NBPF15: variants seen among roughly 807,000 people sequenced by gnomAD.
NBPF15 encodes the protein NBPF family member NBPF15.
In NBPF15, 74 loss-of-function variants were observed where a neutral mutation model predicts 62.2. The ratio of observed to expected loss-of-function variants is 1.19; its 90% confidence interval spans 0.99 to 1.44. NBPF15 has a LOEUF of 1.44. Among genes scored for constraint, NBPF15 ranks in the 40% most tolerant of loss-of-function variants. NBPF15 has a pLI of 0.00. For synonymous variants in NBPF15, 244 were observed against 209.7 expected (o/e 1.16, Z -1.41); for missense variants, 790 against 550.0 (o/e 1.44, Z -4.36).
At position 144,423,910 on chromosome 1, in the gene NBPF15, C is replaced by T. The variant is rs1667601434; in HGVS notation, c.1729G>A (p.Gly577Arg). The T allele has an allele frequency of 3.8e-6, 3 of 793,678 alleles. No homozygotes were observed. The East Asian group carries it at 7.3e-5, about 19-fold the overall frequency. The allele number at this position is 793,678 out of a possible 1,614,324, so 49.2% of individuals were successfully genotyped here. A position where few individuals can be genotyped will look rare whatever the true frequency, so the allele number is the denominator to read the frequency against. ...TTGTCATCTTCCCCTTCTTTTCTTC[C>T]CCTTCTTCTTTTCTTCTTTGATCTT... The part of the protein sequence containing the change: ...GRRSKKKRRR[G>R]RKEGEDDNPP... The change falls in exon 21 of 22, where the codon GGA (glycine) becomes AGA (arginine). Residue 577 changes from glycine (G) to arginine (R), a missense_variant. Gly to Arg is a moderately radical substitution (Grantham distance 125, BLOSUM62 -2). Transcript: ENST00000581897.
At chr1:144,427,736 A>T in intron 16 of NBPF15, 82 bp downstream of exon 16, 1 of 603,306 alleles carries the variant, frequency 1.7e-6, no homozygotes. Context: ...CTCTCAGCTC[A>T]GTAAGGGCCA....
At chr1:144,452,515 A>T (rs1366898059) in intron 4 of NBPF15, among the ~76,000 whole-genome samples, 1 of 151,558 alleles carries the variant, frequency 6.6e-6, no homozygotes, top group East Asian at 1.9e-4. Context: ...ACCAGGGATT[A>T]GGAAATGACT....
intron 14 of NBPF15, among the ~76,000 whole-genome samples, chr1:144,429,437 C>A (rs1425692724): frequency 6.6e-6 from 1 of 151,364 alleles, no homozygotes; most frequent in Non-Finnish European, 1.5e-5. Flanking sequence ...GTTTGCCACA[C>A]CTGCCTTGAG....
At chr1:144,453,638 C>CAAAAAAAAAAAAAAAAA (rs200525708) in intron 4 of NBPF15, among the ~76,000 whole-genome samples, 1 of 36,400 alleles carries the variant, frequency 2.7e-5, no homozygotes, top group Non-Finnish European at 7.0e-5. Flanking sequence ...CAACACAAAG[C>CAAAAAAAAAAAAAAAAA]AAAAAAAAAA....
At chr1:144,455,910 G>A (rs1394163059) in intron 4 of NBPF15, among the ~76,000 whole-genome samples, 8 of 151,510 alleles carry the variant, frequency 5.3e-5, no homozygotes, top group African/African-American at 9.7e-5. Flanking sequence ...CCACCACAAG[G>A]TCCTGGGGAA....
At chr1:144,423,556 T>C (rs1667324052) in intron 21 of NBPF15, among the ~76,000 whole-genome samples, 1 of 151,902 alleles carries the variant, frequency 6.6e-6, no homozygotes, top group South Asian at 2.1e-4. Context: ...GTTAGTGCCC[T>C]CATGACACAC....
chr1:144,428,114 G>T, intron 15 of NBPF15, 124 bp from the exon 16 acceptor site: 1 of 678,364 alleles, frequency 1.5e-6, no homozygotes, highest in Non-Finnish European at 2.7e-6. Flanking sequence ...CATTAATGAG[G>T]TAACAAATTA....
chr1:144,455,942 A>T (rs1647287797), intron 4 of NBPF15, among the ~76,000 whole-genome samples: 2 of 152,072 alleles, frequency 1.3e-5, no homozygotes, highest in Non-Finnish European at 1.5e-5. Flanking sequence ...ACTGTGGCCC[A>T]TAAATTCTAA....
In NBPF15 at chr1:144,461,587, C is replaced by T. The variant is rs75385324; in HGVS notation, c.-1144G>A. 7.2e-5 allele frequency: 11 copies of T among 152,948 alleles called. No individual in the cohort carries two copies. In the East Asian group the frequency reaches 7.7e-4, roughly 11 times the overall value. 9.5% of individuals were successfully genotyped at this position (152,948 alleles called of 1,614,324 possible). A position where few individuals can be genotyped will look rare whatever the true frequency, so the allele number is the denominator to read the frequency against. On this transcript the variant is annotated 5_prime_UTR_variant, in exon 1 of 22. Transcript: ENST00000581897. The stretch of plus-strand genomic sequence containing the variant: ...CGACCCTCACCTACCCCTCCCGATA[C>T]CGCCGCTGTCTCAACCGCCGCCCAG...
At chr1:144,427,173 T>A (rs1165418410) in intron 16 of NBPF15, 75 bp from the exon 17 acceptor site, 4 of 581,640 alleles carry the variant, frequency 6.9e-6, no homozygotes, top group Middle Eastern at 4.7e-4. Flanking sequence ...TGTCTAATCC[T>A]CACACAGGGA....
At chr1:144,436,277 C>A (rs1451857291) in intron 10 of NBPF15, among the ~76,000 whole-genome samples, 7 of 151,990 alleles carry the variant, frequency 4.6e-5, no homozygotes, top group Admixed American at 4.6e-4. Flanking sequence ...AGATTTCAAG[C>A]CTCCAAGTGG....
At chr1:144,439,565 C>T (rs61812387) in intron 8 of NBPF15, among the ~76,000 whole-genome samples, 1 of 152,220 alleles carries the variant, frequency 6.6e-6, no homozygotes, top group East Asian at 1.9e-4. Context: ...TTGGAGAAAA[C>T]AGGTCATTCT....
intron 6 of NBPF15, among the ~76,000 whole-genome samples, chr1:144,447,951 T>C (rs61812374): frequency 3.7e-4 from 57 of 152,054 alleles, no homozygotes; most frequent in South Asian, 2.1e-4. Flanking sequence ...ACCGCACGGC[T>C]CCAGAGTCAG....
intron 20 of NBPF15, among the ~76,000 whole-genome samples, chr1:144,424,298 C>T (rs1553538849): frequency 1.3e-5 from 2 of 151,432 alleles, no homozygotes; most frequent in Non-Finnish European, 3.0e-5. Context: ...AGAAAAACTG[C>T]AATATTTAGC....
chr1:144,453,343 A>G (rs587707295), intron 4 of NBPF15, among the ~76,000 whole-genome samples: 12 of 152,056 alleles, frequency 7.9e-5, no homozygotes, highest in African/African-American at 2.2e-4. Flanking sequence ...TAAATCTTAC[A>G]CGTAAATGTA....
At position 144,422,371 on chromosome 1, in the gene NBPF15, G is replaced by A; in HGVS notation, c.*642C>T. 2.8e-5 allele frequency: 1 copy of A among 35,234 alleles called. No homozygotes were observed. The allele number at this position is 35,234 out of a possible 1,614,324, so 2.2% of individuals were successfully genotyped here. On this transcript the variant is annotated 3_prime_UTR_variant, in exon 22 of 22. Coordinates refer to ENST00000581897, the MANE Select transcript of NBPF15 (RefSeq NM_001385408.1). ...CCTGACTCCTGTTCTCTACAGGATG[G>A]AATTGAGAGGAGCAGGGCTAAGGCC...
At position 144,426,466 on chromosome 1, in the gene NBPF15, A is replaced by G; in HGVS notation, c.1266-16T>C. On this transcript the variant is annotated splice_polypyrimidine_tract_variant and intron_variant, in intron 17 of 21. Coordinates refer to ENST00000581897, the MANE Select transcript of NBPF15 (RefSeq NM_001385408.1). ...CCTGCTGAGCCTGGAAAAGTAGGAAAAAGTAAAGAATAAGCCAGGGAGAAT... is the reference window on the plus strand; with the variant it reads ...CCTGCTGAGCCTGGAAAAGTAGGAAGAAGTAAAGAATAAGCCAGGGAGAAT... The G allele has an allele frequency of 1.2e-6, 1 of 813,014 alleles. No homozygotes were observed. The highest frequency in any genetic ancestry group is 2.2e-6 in the Non-Finnish European group (1 of 450,356). The allele number at this position is 813,014 out of a possible 1,614,324, so 50.4% of individuals were successfully genotyped here.
chr1:144,454,924 A>G (rs1452547986), intron 4 of NBPF15, among the ~76,000 whole-genome samples: 4 of 151,184 alleles, frequency 2.6e-5, no homozygotes, highest in African/African-American at 9.8e-5. Flanking sequence ...CCCTGCCTAC[A>G]AGACAGAAGC....
rs28661666 is a variant in NBPF15 at position 144,422,020 on chromosome 1, C to A, written c.*993G>T. On this transcript the variant is annotated 3_prime_UTR_variant, in exon 22 of 22. Coordinates refer to ENST00000581897, the MANE Select transcript of NBPF15 (RefSeq NM_001385408.1). ...AGACAGCTGACCTGTCCTCTATAAACAAGTCCATGTCACCACCATCCATGA... is the reference window on the plus strand; with the variant it reads ...AGACAGCTGACCTGTCCTCTATAAAAAAGTCCATGTCACCACCATCCATGA... 1 of 131,258 alleles carries A rather than the reference C, an allele frequency of 7.6e-6. No homozygotes were observed. The highest frequency in any genetic ancestry group is 7.4e-5 in the Admixed American group (1 of 13,430). 8.1% of individuals were successfully genotyped at this position (131,258 alleles called of 1,614,324 possible). A position where few individuals can be genotyped will look rare whatever the true frequency, so the allele number is the denominator to read the frequency against.
Sources: gnomAD v4.1 joint callset for allele counts (sites outside exome capture counted in the v4.1 genomes callset) on GRCh38, gnomAD v4.1.1 for gene constraint, MANE v1.5 for transcripts, NCBI Gene and HGNC (gene_info 2026-07-23, HGNC 2026-07-21) for gene names.